The following CLPTM1L variants were observed in gnomAD, a reference collection of about 807,000 sequenced individuals.
The protein encoded by CLPTM1L is CLPTM1 like.
A neutral mutation model predicts 70.9 loss-of-function variants in CLPTM1L; 38 were observed. The observed-to-expected ratio is 0.54, with a 90% CI of 0.41 to 0.70. CLPTM1L has a LOEUF of 0.70. Ranked by LOEUF, CLPTM1L falls within the 30% of genes least tolerant of loss-of-function variation. The pLI, the probability that CLPTM1L is intolerant of heterozygous loss-of-function variation, is 0.00. For missense variants in CLPTM1L, 652 were observed against 705.9 expected, an observed-to-expected ratio of 0.92 and a Z score of 0.87; for synonymous variants, 339 against 299.9, an observed-to-expected ratio of 1.13 and a Z score of -1.35.
intron 2 of CLPTM1L, among the ~76,000 whole-genome samples, chr5:1,343,064 G>A (rs1016087048): frequency 1.3e-5 from 2 of 152,192 alleles, no homozygotes; most frequent in Non-Finnish European, 2.9e-5. Context: ...GGTGGCGGGT[G>A]CCTGTAGTCT....
At chr5:1,326,650 T>TCATCCAGCTCCTCCTCTACGGGGACATTC (rs1752576943) in intron 9 of CLPTM1L, among the ~76,000 whole-genome samples, 4 of 144,954 alleles carry the variant, frequency 2.8e-5, no homozygotes, top group African/African-American at 5.0e-5. Flanking sequence ...CAGACACATT[T>TCATCCAGCTCCTCCTCTACGGGGACATTC]CATCCAGCTC....
At chr5:1,340,654 A>G (rs1401089026) in intron 3 of CLPTM1L, among the ~76,000 whole-genome samples, 1 of 152,174 alleles carries the variant, frequency 6.6e-6, no homozygotes, top group Admixed American at 6.5e-5. Context: ...AAGGAGACAG[A>G]TGCAAACTGG....
In CLPTM1L at chr5:1,342,039, T is replaced by TGTGTGTGTGTGTGCGCGC. The variant is rs3222913; in HGVS notation, c.264-180_264-179insGCGCGCACACACACACAC. Among the ~76,000 whole-genome samples, 116 of 149,082 alleles carry TGTGTGTGTGTGTGCGCGC rather than the reference T, an allele frequency of 7.8e-4. No homozygotes were observed. Among genetic ancestry groups the TGTGTGTGTGTGTGCGCGC allele is most frequent in the African/African-American group, 2.7e-3 (107 of 39,776 alleles). ...GTGTGTGTGTGTGTGTGTGTGTGTG[T>TGTGTGTGTGTGTGCGCGC]GCACGCGCACGCGTGCGCGTCCTGA... is the stretch of plus-strand genomic sequence containing the variant. On this transcript the variant is annotated intron_variant, in intron 2 of 16. Coordinates refer to ENST00000320895, the MANE Select transcript of CLPTM1L (RefSeq NM_030782.5). The surrounding 1 kb of genome is among the most constrained non-coding windows in gnomAD (Gnocchi z 4.3).
chr5:1,335,400 C>T (rs1249965559), intron 5 of CLPTM1L, among the ~76,000 whole-genome samples: 3 of 152,244 alleles, frequency 2.0e-5, no homozygotes, highest in East Asian at 3.9e-4. Flanking sequence ...ACCAGGACCC[C>T]GTGAGCTCAG....
At chr5:1,327,425 G>GAC (rs200426279) in intron 9 of CLPTM1L, among the ~76,000 whole-genome samples, 1 of 145,510 alleles carries the variant, frequency 6.9e-6, no homozygotes, top group Non-Finnish European at 1.5e-5. Context: ...CTCCTCTACA[G>GAC]ACATATTTCA....
chr5:1,327,489 T>A (rs1387205599), intron 9 of CLPTM1L, among the ~76,000 whole-genome samples: 1 of 148,456 alleles, frequency 6.7e-6, no homozygotes, highest in African/African-American at 2.5e-5. Context: ...TACAGGGACA[T>A]TTCATCCAGC....
chr5:1,330,364 G>C lies in CLPTM1L; in HGVS notation c.996C>G (p.Ser332Arg). 3 of 1,612,866 alleles carry C rather than the reference G, an allele frequency of 1.9e-6. No individual in the cohort carries two copies. The highest frequency in any genetic ancestry group is 2.5e-6 in the Non-Finnish European group (3 of 1,179,980). ...STKAVLWRCF[S>R]TVVIFLFLLD... ...GCAGGAACAGAAAGATGACCACGGT[G>C]CTGAAGCAGCGCCAGAGCACTGGGG... The change falls in exon 9 of 17, where the codon AGC becomes AGG. Residue 332 changes from serine to arginine, a missense_variant. Ser to Arg is a moderately radical substitution (Grantham distance 110). Coordinates refer to ENST00000320895, the MANE Select transcript of CLPTM1L (RefSeq NM_030782.5).
chr5:1,335,775 G>A (rs1321751010), intron 5 of CLPTM1L, among the ~76,000 whole-genome samples: 5 of 152,222 alleles, frequency 3.3e-5, no homozygotes, highest in Admixed American at 1.3e-4. Flanking sequence ...CACACAGGCT[G>A]TGGGCCAGGT....
rs1006947175 is a variant in CLPTM1L at position 1,318,736 on chromosome 5, C to T, written c.1533-283G>A. On this transcript the variant is annotated intron_variant, in intron 16 of 16. Transcript: ENST00000320895. This position sits in a 1 kb window ranked among gnomAD's most constrained non-coding sequence, Gnocchi z 8.9. Reference sequence around the variant, plus strand: ...CGGGCTGCCATGGCTGAAGGGGGGACCCGGAGGCTGCACGGGCTGCCTTCT... The same window carrying T: ...CGGGCTGCCATGGCTGAAGGGGGGATCCGGAGGCTGCACGGGCTGCCTTCT... Among the ~76,000 whole-genome samples the T allele has an allele frequency of 6.6e-6, 1 of 152,068 alleles. No individual in the cohort carries two copies. Among genetic ancestry groups the T allele is most frequent in the Admixed American group, 6.6e-5 (1 of 15,260 alleles).
At chr5:1,319,032 C>T (rs1751996098) in intron 16 of CLPTM1L, among the ~76,000 whole-genome samples, 2 of 152,180 alleles carry the variant, frequency 1.3e-5, no homozygotes, top group African/African-American at 2.4e-5. Context: ...GGCCAAACAC[C>T]GTTTGCAGGT....
At chr5:1,325,703 A>T in intron 10 of CLPTM1L, 48 bp downstream of exon 10, 1 of 1,530,992 alleles carries the variant, frequency 6.5e-7, no homozygotes, top group Non-Finnish European at 9.0e-7. Flanking sequence ...GGGCAAAATC[A>T]CACTCTTCAG....
chr5:1,323,092 A>G (rs1343775692), intron 12 of CLPTM1L, among the ~76,000 whole-genome samples, 181 bp from the exon 13 acceptor site: 2 of 152,016 alleles, frequency 1.3e-5, no homozygotes, highest in Non-Finnish European at 2.9e-5. Flanking sequence ...AGCGCTGAGC[A>G]CCCCCGGCCG....
rs983963648 is a variant in CLPTM1L at position 1,318,144 on chromosome 5, G to A, written c.*225C>T. 9 of 541,360 alleles carry A rather than the reference G, an allele frequency of 1.7e-5. No homozygotes were observed. The highest frequency in any genetic ancestry group is 5.3e-5 in the South Asian group (2 of 37,838). The allele number at this position is 541,360 out of a possible 1,614,324, so 33.5% of individuals were successfully genotyped here. ...GGAGCCACCACAGCTCAAGGTGACC[G>A]GCAGCACCCAGCTCTGTGACCAAGA... On this transcript the variant is annotated 3_prime_UTR_variant, in exon 17 of 17. Transcript: ENST00000320895. This position sits in a 1 kb window ranked among gnomAD's most constrained non-coding sequence, Gnocchi z 8.9.
intron 3 of CLPTM1L, among the ~76,000 whole-genome samples, chr5:1,340,535 C>T (rs986388987): frequency 3.3e-5 from 5 of 152,206 alleles, no homozygotes; most frequent in East Asian, 3.8e-4. Context: ...AGGCTTCCTG[C>T]GCTACATGCT....
intron 3 of CLPTM1L, among the ~76,000 whole-genome samples, 195 bp from the exon 4 acceptor site, chr5:1,339,200 G>A (rs575008955): frequency 2.0e-4 from 30 of 149,240 alleles, no homozygotes; most frequent in Admixed American, 1.6e-3. Flanking sequence ...AGCAGGGTCA[G>A]CACCCTAACC....
At chr5:1,332,568 A>G (rs1449631517) in intron 7 of CLPTM1L, among the ~76,000 whole-genome samples, 2 of 152,238 alleles carry the variant, frequency 1.3e-5, no homozygotes, top group Non-Finnish European at 2.9e-5. Flanking sequence ...AACAGCCACA[A>G]GGATGGCTCT....
chr5:1,344,334 T>C lies in CLPTM1L; in HGVS notation c.263+17A>G. 6.5e-7 allele frequency: 1 copy of C among 1,540,542 alleles called. No individual in the cohort carries two copies. ...TAATGTTTTCCCTTTCACTGGCATTTTGTCCTACGCCCATACCTTTCAAAT... is the reference window on the plus strand; with the variant it reads ...TAATGTTTTCCCTTTCACTGGCATTCTGTCCTACGCCCATACCTTTCAAAT... On this transcript the variant is annotated intron_variant, in intron 2 of 16. Transcript: ENST00000320895.
rs1203248847 is a variant in CLPTM1L at position 1,330,331 on chromosome 5, C to T, written c.1029G>A (p.Glu343=). Residue 343 remains glutamate, a synonymous_variant, in exon 9 of 17, where the codon GAG becomes GAA. Coordinates refer to ENST00000320895, the MANE Select transcript of CLPTM1L (RefSeq NM_030782.5). ...TVVIFLFLLD[E]QTSLLVLVPA... The stretch of plus-strand genomic sequence containing the variant: ...GGACCAGCACCAGCAGGCTCGTCTG[C>T]TCGTCCAGCAGGAACAGAAAGATGA... 1 of 1,612,842 alleles carries T rather than the reference C, an allele frequency of 6.2e-7. No individual in the cohort carries two copies. Among genetic ancestry groups the T allele is most frequent in the Non-Finnish European group, 8.5e-7 (1 of 1,179,980 alleles).
chr5:1,341,048 G>A (rs1753907624), intron 3 of CLPTM1L, among the ~76,000 whole-genome samples: 1 of 152,244 alleles, frequency 6.6e-6, no homozygotes, highest in Non-Finnish European at 1.5e-5. Context: ...TTACAGGCAT[G>A]AGCCACTGCG....
Sources: gnomAD v4.1 joint callset for allele counts (sites outside exome capture counted in the v4.1 genomes callset) on GRCh38, gnomAD v4.1.1 for gene constraint, Gnocchi (gnomAD v3.1) non-coding constraint, MANE v1.5 for transcripts, NCBI Gene and HGNC (gene_info 2026-07-23, HGNC 2026-07-21) for gene names.